Variants in KIAA0232 observed in about 807,000 individuals in gnomAD.
KIAA0232 encodes KIAA0232, also known as uncharacterized protein KIAA0232.
Under a neutral mutation model 122.0 loss-of-function variants are expected in KIAA0232, and 27 were observed. The ratio of observed to expected loss-of-function variants is 0.22; its 90% CI spans 0.16 to 0.31. The LOEUF is 0.31. KIAA0232 is among the 10% of genes least tolerant of loss of function. KIAA0232 has a pLI of 1.00. For synonymous variants in KIAA0232, 613 were observed against 587.6 expected, an observed-to-expected ratio of 1.04 and a Z score of -0.63; for missense variants, 1,551 against 1,634.2, an observed-to-expected ratio of 0.95 and a Z score of 0.88.
intron 4 of KIAA0232, among the ~76,000 whole-genome samples, chr4:6,852,800 G>C (rs1291060995): frequency 1.3e-5 from 2 of 152,338 alleles, no homozygotes; most frequent in East Asian, 1.9e-4. Context: ...CATGTGACTG[G>C]TGCTTCAGCA....
At chr4:6,822,714 A>G (rs1718478007) in intron 2 of KIAA0232, among the ~76,000 whole-genome samples, 1 of 151,958 alleles carries the variant, frequency 6.6e-6, no homozygotes, top group Admixed American at 6.6e-5. Flanking sequence ...AAAGTGTGTC[A>G]TCTGTCATAA....
At chr4:6,870,017 C>T (rs1025592063) in intron 7 of KIAA0232, among the ~76,000 whole-genome samples, 2 of 152,186 alleles carry the variant, frequency 1.3e-5, no homozygotes, top group Admixed American at 6.5e-5. Context: ...TCACCCTGGG[C>T]GAGCTGGGGC....
intron 3 of KIAA0232, among the ~76,000 whole-genome samples, chr4:6,832,164 A>G (rs1430988580): frequency 6.6e-6 from 1 of 152,096 alleles, no homozygotes; most frequent in African/African-American, 2.4e-5. Flanking sequence ...TTTGGTTTTG[A>G]TATATATTTT....
At chr4:6,856,367 T>G (rs1030417150) in intron 4 of KIAA0232, among the ~76,000 whole-genome samples, 9 of 152,330 alleles carry the variant, frequency 5.9e-5, no homozygotes, top group Admixed American at 5.9e-4. Flanking sequence ...ACTTTTTTTG[T>G]CCACTGTAAA....
At chr4:6,837,390 C>T (rs1000576160) in intron 3 of KIAA0232, among the ~76,000 whole-genome samples, 9 of 149,870 alleles carry the variant, frequency 6.0e-5, no homozygotes, top group East Asian at 2.0e-4. Flanking sequence ...ACTTCCTAGA[C>T]GGGATGACGG....
At chr4:6,825,057 C>A (rs867799208) in intron 3 of KIAA0232, among the ~76,000 whole-genome samples, 2 of 152,124 alleles carry the variant, frequency 1.3e-5, no homozygotes, top group East Asian at 1.9e-4. Context: ...TTAAACATTG[C>A]GTCTATTATA....
intron 7 of KIAA0232, among the ~76,000 whole-genome samples, chr4:6,867,251 G>T (rs1721233266): frequency 1.3e-5 from 2 of 152,220 alleles, no homozygotes; most frequent in Non-Finnish European, 2.9e-5. Context: ...GTGGGAACCT[G>T]CAGGAGAACC....
intron 3 of KIAA0232, among the ~76,000 whole-genome samples, chr4:6,829,963 C>T (rs1718880668): frequency 6.6e-6 from 1 of 152,166 alleles, no homozygotes; most frequent in South Asian, 2.1e-4. Context: ...AATTAAACTA[C>T]CATTGAGAGT....
At chr4:6,786,222 G>A (rs1226356924) in intron 1 of KIAA0232, among the ~76,000 whole-genome samples, 2 of 152,158 alleles carry the variant, frequency 1.3e-5, no homozygotes, top group African/African-American at 4.8e-5. Flanking sequence ...GTCAAAGTCT[G>A]TAATCAACCT....
chr4:6,870,069 G>A (rs1721393303), intron 7 of KIAA0232, among the ~76,000 whole-genome samples: 1 of 152,212 alleles, frequency 6.6e-6, no homozygotes, highest in Non-Finnish European at 1.5e-5. Context: ...CACACTGAAG[G>A]GGGTTGCCCT....
chr4:6,876,117 C>T (rs1721736431), intron 8 of KIAA0232, among the ~76,000 whole-genome samples: 1 of 152,202 alleles, frequency 6.6e-6, no homozygotes, highest in Non-Finnish European at 1.5e-5. Flanking sequence ...TCGCTAGCAC[C>T]ATTTCTTTTT....
Position 6,883,744 on chromosome 4 carries a change from AT to A in KIAA0232, c.*2779del, listed in dbSNP as rs572522678. On this transcript the variant is annotated 3_prime_UTR_variant, in exon 10 of 10. Coordinates refer to ENST00000307659, the MANE Select transcript of KIAA0232 (RefSeq NM_014743.3). ...GATTGATATTCATTGTGCAAAAAAA[AT>A]CAGTGTGTTTTTAAAGAAGTATAAG... 3.6e-4 allele frequency: 55 copies of A among 152,362 alleles called. No homozygotes were observed. The highest frequency in any genetic ancestry group is 1.2e-3 in the African/African-American group (51 of 41,586). The allele number at this position is 152,362 out of a possible 1,614,324, so 9.4% of individuals were successfully genotyped here. A position where few individuals can be genotyped will look rare whatever the true frequency, so the allele number is the denominator to read the frequency against.
chr4:6,793,694 C>G lies in KIAA0232; in HGVS notation c.-353-10829C>G, dbSNP rs116521729. Among the ~76,000 whole-genome samples the G allele has an allele frequency of 4.2e-3, 643 of 152,298 alleles. 6 individuals carry two copies. Among genetic ancestry groups the G allele is most frequent in the African/African-American group, 0.015 (604 of 41,560 alleles). On this transcript the variant is annotated intron_variant, in intron 1 of 9. Coordinates refer to ENST00000307659, the MANE Select transcript of KIAA0232 (RefSeq NM_014743.3). ...AAGGGCTAAGGATTCTTAGAAGTAG[C>G]TACAGAAAATGGATAAGGGGAGAGT...
At chr4:6,854,422 GA>G (rs1720465571) in intron 4 of KIAA0232, among the ~76,000 whole-genome samples, 1 of 152,196 alleles carries the variant, frequency 6.6e-6, no homozygotes, top group African/African-American at 2.4e-5. Flanking sequence ...TCTTCTCAGA[GA>G]AATTAGAGTG....
chr4:6,846,297 T>G (rs551258360), intron 4 of KIAA0232, among the ~76,000 whole-genome samples: 1 of 152,126 alleles, frequency 6.6e-6, no homozygotes, highest in Non-Finnish European at 1.5e-5. Flanking sequence ...TATAGATCCC[T>G]TAAACCAGGT....
chr4:6,863,832 T>C lies in KIAA0232; in HGVS notation c.3450T>C (p.Asp1150=). ...QVDIFEDPQA[D]LKPLEEDAEK... ...ATATATTTGAAGATCCGCAGGCAGATCTCAAACCTTTGGAAGAAGATGCAG... is the reference window on the plus strand; with the variant it reads ...ATATATTTGAAGATCCGCAGGCAGACCTCAAACCTTTGGAAGAAGATGCAG... Residue 1150 remains aspartate (D), a synonymous_variant, in exon 7 of 10, where the codon GAT becomes GAC. Coordinates refer to ENST00000307659, the MANE Select transcript of KIAA0232 (RefSeq NM_014743.3). 1 of 1,614,086 alleles carries C rather than the reference T, an allele frequency of 6.2e-7. No homozygotes were observed. Among genetic ancestry groups the C allele is most frequent in the Non-Finnish European group, 8.5e-7 (1 of 1,180,012 alleles).
chr4:6,815,617 A>G (rs919507323), intron 2 of KIAA0232, among the ~76,000 whole-genome samples: 1 of 152,226 alleles, frequency 6.6e-6, no homozygotes. Flanking sequence ...AGTTATTACT[A>G]TCCACTGAAA....
At chr4:6,824,827 G>A in intron 3 of KIAA0232, 143 bp downstream of exon 3, 1 of 704,366 alleles carries the variant, frequency 1.4e-6, no homozygotes, top group Non-Finnish European at 2.4e-6. Context: ...CAGATGGTAA[G>A]ATTGCCTTGG....
chr4:6,815,713 G>A (rs565206416), intron 2 of KIAA0232, among the ~76,000 whole-genome samples: 1 of 152,260 alleles, frequency 6.6e-6, no homozygotes, highest in Non-Finnish European at 1.5e-5. Context: ...GTCCTCTGCA[G>A]TCTGTACTGT....
Sources: allele counts gnomAD v4.1 joint callset (sites outside exome capture counted in the v4.1 genomes callset), GRCh38; gene constraint gnomAD v4.1.1; transcripts MANE v1.5; gene names NCBI Gene and HGNC (gene_info 2026-07-23, HGNC 2026-07-21).